The following ALK variants were observed in gnomAD, a reference collection of about 807,000 sequenced individuals.
ALK encodes ALK receptor tyrosine kinase.
A neutral mutation model predicts 163.1 loss-of-function variants in ALK; 74 were observed. The ratio of observed to expected loss-of-function variants is 0.45; its 90% CI spans 0.38 to 0.55. The LOEUF is 0.55. ALK is among the 20% of genes least tolerant of loss of function. ALK has a pLI of 0.00. For synonymous variants in ALK, 960 were observed against 843.2 expected (o/e 1.14, Z -2.40); for missense variants, 2,063 against 2,105.3 (o/e 0.98, Z 0.39).
intron 3 of ALK, among the ~76,000 whole-genome samples, chr2:29,547,534 T>A (rs546265407): frequency 2.0e-5 from 3 of 152,056 alleles, no homozygotes; most frequent in East Asian, 1.9e-4. Flanking sequence ...GAGGCGGAGG[T>A]TGCAGTGAGC....
intron 5 of ALK, among the ~76,000 whole-genome samples, chr2:29,331,401 G>C (rs773602629): frequency 2.4e-4 from 36 of 152,038 alleles, no homozygotes; most frequent in Non-Finnish European, 4.1e-4. Context: ...GTGCAGATTT[G>C]GGGGTCCTGG....
chr2:29,889,967 T>C (rs113248329), intron 1 of ALK, among the ~76,000 whole-genome samples: 24 of 152,256 alleles, frequency 1.6e-4, no homozygotes, highest in African/African-American at 5.5e-4. Flanking sequence ...AAAGACATTG[T>C]AGAGAAATGC....
At chr2:29,533,444 A>G (rs967843111) in intron 3 of ALK, among the ~76,000 whole-genome samples, 2 of 152,220 alleles carry the variant, frequency 1.3e-5, no homozygotes, top group African/African-American at 4.8e-5. Context: ...TCTTAGTTTG[A>G]AAGTTAAGAC....
chr2:29,390,445 C>T (rs964868634), intron 4 of ALK, among the ~76,000 whole-genome samples: 3 of 152,220 alleles, frequency 2.0e-5, no homozygotes, highest in African/African-American at 7.2e-5. Context: ...ACACTGCTGG[C>T]ATTCCTCCAC....
chr2:29,876,990 C>T (rs1666740635), intron 1 of ALK, among the ~76,000 whole-genome samples: 1 of 152,108 alleles, frequency 6.6e-6, no homozygotes, highest in Non-Finnish European at 1.5e-5. Context: ...AAATATCTAA[C>T]CTCCCAGGAC....
chr2:29,826,067 T>C (rs907661683), intron 1 of ALK, among the ~76,000 whole-genome samples: 2 of 152,110 alleles, frequency 1.3e-5, no homozygotes, highest in African/African-American at 4.8e-5. Context: ...CCTGGGGCTC[T>C]TTCAGGTGAC....
At chr2:29,867,019 T>A (rs571724394) in intron 1 of ALK, among the ~76,000 whole-genome samples, 1 of 152,326 alleles carries the variant, frequency 6.6e-6, no homozygotes, top group South Asian at 2.1e-4. Context: ...AAGGGCATAA[T>A]TTATTATCTA....
intron 4 of ALK, among the ~76,000 whole-genome samples, chr2:29,399,709 C>T (rs778279204): frequency 4.6e-5 from 7 of 152,084 alleles, no homozygotes; most frequent in Non-Finnish European, 8.8e-5. Flanking sequence ...ATGTCTCTTC[C>T]GTTTATGAGG....
At chr2:29,483,230 TG>T (rs1256889323) in intron 4 of ALK, among the ~76,000 whole-genome samples, 2 of 152,218 alleles carry the variant, frequency 1.3e-5, no homozygotes, top group African/African-American at 4.8e-5. Context: ...ATCTCAATGG[TG>T]TTAAACCCTG....
chr2:29,245,581 C>T (rs1573154600), intron 12 of ALK, among the ~76,000 whole-genome samples: 2 of 123,116 alleles, frequency 1.6e-5, no homozygotes, highest in African/African-American at 3.2e-5. Flanking sequence ...GCCCTGCACA[C>T]AGCAGGGCTC....
chr2:29,324,924 C>T (rs990466546), intron 6 of ALK, among the ~76,000 whole-genome samples: 2 of 152,104 alleles, frequency 1.3e-5, no homozygotes, highest in African/African-American at 4.8e-5. Context: ...GGAATGTCAC[C>T]TCCATCTCAG....
chr2:29,399,015 G>A (rs1410876343), intron 4 of ALK, among the ~76,000 whole-genome samples: 1 of 152,200 alleles, frequency 6.6e-6, no homozygotes, highest in Non-Finnish European at 1.5e-5. Context: ...GTCTGCAAGA[G>A]TCTCTGGCTT....
chr2:29,473,962 T>G (rs550740866), intron 4 of ALK, among the ~76,000 whole-genome samples: 29 of 152,336 alleles, frequency 1.9e-4, no homozygotes, highest in African/African-American at 7.0e-4. Flanking sequence ...ATGGAGCACA[T>G]TCTCAATACA....
intron 12 of ALK, among the ~76,000 whole-genome samples, chr2:29,244,975 C>T (rs1664619273): frequency 6.6e-6 from 1 of 152,308 alleles, no homozygotes; most frequent in South Asian, 2.1e-4. Context: ...GGCTCCATGG[C>T]TCAGTGCCTG....
At chr2:29,622,716 C>T (rs565978261) in intron 3 of ALK, among the ~76,000 whole-genome samples, 107 of 152,262 alleles carry the variant, frequency 7.0e-4, no homozygotes, top group African/African-American at 2.5e-3. Context: ...CACAGTTGGG[C>T]CAGCCCCCTC....
chr2:29,378,916 T>C (rs1668826099), intron 5 of ALK, among the ~76,000 whole-genome samples: 1 of 152,130 alleles, frequency 6.6e-6, no homozygotes, highest in African/African-American at 2.4e-5. Flanking sequence ...TTTCGCGACG[T>C]TGGCCAGGCT....
chr2:29,916,189 T>C (rs1174078058), intron 1 of ALK, among the ~76,000 whole-genome samples: 1 of 152,188 alleles, frequency 6.6e-6, no homozygotes, highest in Non-Finnish European at 1.5e-5. Flanking sequence ...GGAATTCCAT[T>C]CCATAGTCAG....
chr2:29,300,261 A>G (rs1167262266), intron 8 of ALK, among the ~76,000 whole-genome samples: 1 of 152,114 alleles, frequency 6.6e-6, no homozygotes, highest in African/African-American at 2.4e-5. Context: ...AGAGATGCAC[A>G]TACCTGGCCG....
At chr2:29,522,556 T>C (rs1417661542) in intron 4 of ALK, among the ~76,000 whole-genome samples, 1 of 152,024 alleles carries the variant, frequency 6.6e-6, no homozygotes, top group Non-Finnish European at 1.5e-5. Flanking sequence ...TGGGTCCCTG[T>C]TGACTGTAGG....
Sources: gnomAD v4.1 joint callset for allele counts (sites outside exome capture counted in the v4.1 genomes callset) on GRCh38, gnomAD v4.1.1 for gene constraint, MANE v1.5 for transcripts, NCBI Gene and HGNC (gene_info 2026-07-23, HGNC 2026-07-21) for gene names.